Variants in ZIM2 observed in about 807,000 individuals in gnomAD.
ZIM2 encodes zinc finger protein 656.
A neutral mutation model predicts 38.6 loss-of-function variants in ZIM2; 14 were observed. That is an observed-to-expected ratio of 0.36 (90% CI 0.24 to 0.57). The LOEUF is 0.57. Among genes scored for constraint, ZIM2 ranks in the 20% least tolerant of loss-of-function variants. ZIM2 has a pLI of 0.81. For missense variants in ZIM2, 680 were observed against 695.1 expected, an observed-to-expected ratio of 0.98 and a Z score of 0.24; for synonymous variants, 247 against 245.8, an observed-to-expected ratio of 1.00 and a Z score of -0.04.
chr19:56,795,602 G>T (rs1252431441), intron 9 of ZIM2, among the ~76,000 whole-genome samples: 2 of 152,208 alleles, frequency 1.3e-5, no homozygotes, highest in South Asian at 2.1e-4. Context: ...CTGGCCAAGT[G>T]CCCTGTGAGA....
chr19:56,833,166 C>T (rs1364848816), intron 2 of ZIM2: 1 of 517,552 alleles, frequency 1.9e-6, no homozygotes, highest in Non-Finnish European at 3.9e-6. Flanking sequence ...TGGCCTCAGG[C>T]TCCCACATCC....
In ZIM2 at chr19:56,800,867, A is replaced by G. The variant is rs577474820; in HGVS notation, c.491-10916T>C. Among the ~76,000 whole-genome samples, 6 of 152,272 alleles carry G rather than the reference A, an allele frequency of 3.9e-5. No homozygotes were observed. The East Asian group carries it at 1.2e-3, about 29-fold the overall frequency. On this transcript the variant is annotated intron_variant, in intron 9 of 12. Transcript: ENST00000629319. ...GATTAAGTTGGCTATAATTAATAAG[A>G]AATTATTCATAATAGTCTTTCTGAG...
At chr19:56,809,306 G>C (rs568711073) in intron 9 of ZIM2, among the ~76,000 whole-genome samples, 2 of 152,280 alleles carry the variant, frequency 1.3e-5, no homozygotes, top group Admixed American at 1.3e-4. Context: ...ATCCTAGTTA[G>C]AATTAGTGGC....
chr19:56,787,949 G>A (rs193002132), intron 10 of ZIM2, among the ~76,000 whole-genome samples: 3 of 151,564 alleles, frequency 2.0e-5, no homozygotes, highest in Admixed American at 6.6e-5. Flanking sequence ...TTTTTATTGT[G>A]TCTTTTTGAT....
At chr19:56,802,064 G>A (rs2047552172) in intron 9 of ZIM2, among the ~76,000 whole-genome samples, 1 of 152,154 alleles carries the variant, frequency 6.6e-6, no homozygotes, top group Admixed American at 6.5e-5. Context: ...ACTGGAAAAG[G>A]GACTGTCTCC....
intron 12 of ZIM2, among the ~76,000 whole-genome samples, chr19:56,776,079 T>C (rs2045984375): frequency 7.7e-6 from 1 of 129,426 alleles, no homozygotes; most frequent in South Asian, 2.4e-4. Context: ...GCAGCCTGGA[T>C]GACAGAGTGA....
intron 10 of ZIM2, among the ~76,000 whole-genome samples, chr19:56,783,615 C>G (rs530385857): frequency 5.0e-4 from 76 of 152,240 alleles, no homozygotes; most frequent in African/African-American, 1.8e-3. Flanking sequence ...TTAGTGGGAG[C>G]TAAACACTGG....
At chr19:56,779,214 T>C (rs141845823) in intron 12 of ZIM2, among the ~76,000 whole-genome samples, 163 bp downstream of exon 12, 10 of 152,202 alleles carry the variant, frequency 6.6e-5, no homozygotes, top group Non-Finnish European at 1.3e-4. Flanking sequence ...GAGGAGCTCA[T>C]GCTGCATGAA....
intron 1 of ZIM2, among the ~76,000 whole-genome samples, chr19:56,838,783 C>G (rs936519972): frequency 6.6e-6 from 1 of 152,214 alleles, no homozygotes; most frequent in Non-Finnish European, 1.5e-5. Context: ...ACACACAGCC[C>G]AAGGAGCGCG....
chr19:56,797,191 T>C (rs1005857881), intron 9 of ZIM2, among the ~76,000 whole-genome samples: 1 of 152,056 alleles, frequency 6.6e-6, no homozygotes, highest in African/African-American at 2.4e-5. Flanking sequence ...TGGTGCACAC[T>C]TGTAGTCCTA....
intron 9 of ZIM2, chr19:56,815,924 C>A: frequency 6.2e-7 from 1 of 1,608,220 alleles, no homozygotes; most frequent in Non-Finnish European, 8.5e-7. Flanking sequence ...GGTTTGGAAG[C>A]CACTAAGCTA....
chr19:56,805,201 C>A (rs945361800), intron 9 of ZIM2, among the ~76,000 whole-genome samples: 2 of 152,192 alleles, frequency 1.3e-5, no homozygotes, highest in Non-Finnish European at 2.9e-5. Context: ...GGTAGCATCA[C>A]CCCTTCAGTT....
At chr19:56,830,857 G>A (rs904415287) in intron 2 of ZIM2, among the ~76,000 whole-genome samples, 1 of 152,124 alleles carries the variant, frequency 6.6e-6, no homozygotes, top group Non-Finnish European at 1.5e-5. Flanking sequence ...GCCCTGGGAG[G>A]TGGAGGGGGC....
In ZIM2 at chr19:56,775,432, T is replaced by C; in HGVS notation, c.933A>G (p.Glu311=). The change falls in exon 13 of 13, where the codon GAA becomes GAG. Residue 311 remains glutamate (E), a synonymous_variant. Coordinates refer to ENST00000629319, the MANE Select transcript of ZIM2 (RefSeq NM_001387356.1). The stretch of plus-strand genomic sequence containing the variant: ...CAAATTCATCACTGCCATAGCTTCT[T>C]TCCGGAGTGAGGGTCTTGGGGTCAT... ...TMNDPKTLTP[E]RSYGSDEFER... The C allele has an allele frequency of 3.7e-6, 6 of 1,614,114 alleles. No individual in the cohort carries two copies. The highest frequency in any genetic ancestry group is 5.1e-6 in the Non-Finnish European group (6 of 1,180,032).
At chr19:56,837,025 G>C (rs148161261) in intron 1 of ZIM2, among the ~76,000 whole-genome samples, 47 of 147,602 alleles carry the variant, frequency 3.2e-4, no homozygotes, top group Middle Eastern at 3.7e-3. Flanking sequence ...TAGGAAGGAA[G>C]CGTCATATGT....
At chr19:56,811,086 T>C (rs2059509907) in intron 9 of ZIM2, 2 of 984,882 alleles carry the variant, frequency 2.0e-6, no homozygotes, top group Non-Finnish European at 2.4e-6. Context: ...TGTCTTTGGA[T>C]GGTGGGGATA....
chr19:56,795,833 T>G (rs1359882039), intron 9 of ZIM2, among the ~76,000 whole-genome samples: 1 of 151,936 alleles, frequency 6.6e-6, no homozygotes, highest in Non-Finnish European at 1.5e-5. Flanking sequence ...AGAGCGAGAC[T>G]CCACCTCAAA....
intron 12 of ZIM2, among the ~76,000 whole-genome samples, chr19:56,777,082 C>G (rs2046059841): frequency 6.6e-6 from 1 of 151,978 alleles, no homozygotes; most frequent in Non-Finnish European, 1.5e-5. Context: ...AATACTGAAG[C>G]CAAGGAAGTC....
In ZIM2 at chr19:56,814,496, T is replaced by C. The variant is rs1235653066; in HGVS notation, c.490+3250A>G. 4 of 1,613,782 alleles carry C rather than the reference T, an allele frequency of 2.5e-6. No individual in the cohort carries two copies. The South Asian group carries it at 3.3e-5, about 13-fold the overall frequency. The stretch of plus-strand genomic sequence containing the variant: ...GGCTCAGTAAGAAATGAGGTGTGAG[T>C]ATAGGAGGACCCGTACTCATAGGGC... On this transcript the variant is annotated intron_variant, in intron 9 of 12. Transcript: ENST00000629319. This position sits in a 1 kb window ranked among gnomAD's most constrained non-coding sequence, Gnocchi z 5.8.
Sources: gnomAD v4.1 joint callset for allele counts (sites outside exome capture counted in the v4.1 genomes callset) on GRCh38, gnomAD v4.1.1 for gene constraint, Gnocchi (gnomAD v3.1) non-coding constraint, MANE v1.5 for transcripts, NCBI Gene and HGNC (gene_info 2026-07-23, HGNC 2026-07-21) for gene names.